CREM: variants seen among roughly 807,000 people sequenced by gnomAD.
The protein encoded by CREM is cAMP-responsive element modulator.
CREM carries 13 observed loss-of-function variants against 37.3 expected under a neutral mutation model. That is an observed-to-expected ratio of 0.35 (90% CI 0.23 to 0.55). The LOEUF (loss-of-function observed/expected upper bound fraction) is 0.55. Ranked by LOEUF, CREM falls within the 20% of genes least tolerant of loss-of-function variation. CREM has a pLI of 0.88. For synonymous variants in CREM, 124 were observed against 120.2 expected (o/e 1.03, Z -0.21); for missense variants, 296 against 362.3 (o/e 0.82, Z 1.49).
chr10:35,166,118 C>T (rs921781280), intron 3 of CREM, among the ~76,000 whole-genome samples: 1 of 152,168 alleles, frequency 6.6e-6, no homozygotes, highest in Non-Finnish European at 1.5e-5. Flanking sequence ...AACAACATCT[C>T]TTTAGAAGAT....
chr10:35,147,299 C>T (rs543750953), intron 2 of CREM, among the ~76,000 whole-genome samples: 40 of 151,972 alleles, frequency 2.6e-4, no homozygotes, highest in Middle Eastern at 3.4e-3. Flanking sequence ...GTGATCCGCC[C>T]GCCTCAGCCT....
intron 3 of CREM, among the ~76,000 whole-genome samples, chr10:35,163,159 G>A (rs560680356): frequency 9.9e-4 from 151 of 152,108 alleles, no homozygotes; most frequent in African/African-American, 3.5e-3. Context: ...GCAGTGATTC[G>A]TGATCATGCC....
At chr10:35,140,538 G>A (rs2091276028) in intron 2 of CREM, among the ~76,000 whole-genome samples, 1 of 152,100 alleles carries the variant, frequency 6.6e-6, no homozygotes, top group South Asian at 2.1e-4. Flanking sequence ...GGTTTATTTA[G>A]CATATACTGT....
chr10:35,207,412 T>C (rs1021894429), intron 7 of CREM, among the ~76,000 whole-genome samples: 1 of 150,928 alleles, frequency 6.6e-6, no homozygotes, highest in Non-Finnish European at 1.5e-5. Flanking sequence ...AATAAAACAA[T>C]ATTAAATATT....
intron 2 of CREM, among the ~76,000 whole-genome samples, chr10:35,138,373 G>A (rs2090912340): frequency 6.6e-6 from 1 of 152,110 alleles, no homozygotes; most frequent in Non-Finnish European, 1.5e-5. Context: ...TCCACTTTTT[G>A]TAAAGTTATT....
At chr10:35,170,502 A>G (rs910348943) in intron 3 of CREM, among the ~76,000 whole-genome samples, 3 of 152,204 alleles carry the variant, frequency 2.0e-5, no homozygotes, top group Non-Finnish European at 2.9e-5. Context: ...TACTTCTGGT[A>G]GAATTCGGCT....
intron 3 of CREM, chr10:35,153,927 A>C (rs1178554531): frequency 5.1e-6 from 2 of 391,680 alleles, no homozygotes; most frequent in African/African-American, 2.1e-5. Context: ...GCCGCTAGGG[A>C]ATGTTGTTCA....
intron 1 of CREM, among the ~76,000 whole-genome samples, chr10:35,128,337 G>A (rs989364248): frequency 6.6e-6 from 1 of 152,136 alleles, no homozygotes; most frequent in Non-Finnish European, 1.5e-5. Flanking sequence ...GCTTACGTAC[G>A]TGACTCAGTT....
intron 1 of CREM, among the ~76,000 whole-genome samples, chr10:35,130,943 T>C (rs1440744691): frequency 6.6e-6 from 1 of 152,180 alleles, no homozygotes; most frequent in Non-Finnish European, 1.5e-5. Flanking sequence ...ATGACAGGCC[T>C]TCCTAGGAGT....
chr10:35,171,341 T>G (rs2093811927), intron 3 of CREM: 1 of 151,776 alleles, frequency 6.6e-6, no homozygotes, highest in Non-Finnish European at 1.5e-5. Flanking sequence ...CCGGCTAATT[T>G]TTGTATTTTT....
intron 3 of CREM, among the ~76,000 whole-genome samples, chr10:35,170,066 C>T (rs1161229353): frequency 6.6e-6 from 1 of 151,698 alleles, no homozygotes; most frequent in African/African-American, 2.4e-5. Flanking sequence ...GGGTTCACGC[C>T]ATTCTCCTGC....
chr10:35,152,050 C>T (rs918305042), intron 3 of CREM, among the ~76,000 whole-genome samples: 13 of 152,180 alleles, frequency 8.5e-5, no homozygotes, highest in South Asian at 2.1e-4. Flanking sequence ...TTACTTGCCA[C>T]TTGTCTCATT....
At chr10:35,175,955 C>A in intron 3 of CREM, 2 of 1,551,358 alleles carry the variant, frequency 1.3e-6, no homozygotes, top group Non-Finnish European at 8.7e-7. Context: ...AATTCAGACA[C>A]CACAGCCATG....
intron 2 of CREM, among the ~76,000 whole-genome samples, chr10:35,145,776 C>CAAAAAAAAAAAAAA (rs370248344): frequency 1.2e-5 from 1 of 85,236 alleles, no homozygotes; most frequent in Non-Finnish European, 2.0e-5. Flanking sequence ...GACTCTGCCT[C>CAAAAAAAAAAAAAA]AAAAAAAAAA....
At chr10:35,178,795 C>T (rs977404546) in intron 3 of CREM, 94 bp from the exon 4 acceptor site, 2 of 878,292 alleles carry the variant, frequency 2.3e-6, no homozygotes, top group Non-Finnish European at 3.5e-6. Flanking sequence ...GCTCCTGGCT[C>T]AGTGCTGCAC....
chr10:35,206,769 T>C (rs536368756), intron 6 of CREM, 126 bp from the exon 7 acceptor site: 28 of 880,736 alleles, frequency 3.2e-5, no homozygotes, highest in Non-Finnish European at 3.7e-6. Flanking sequence ...TCAGAATAAT[T>C]ATCTTAAACA....
intron 3 of CREM, among the ~76,000 whole-genome samples, chr10:35,172,291 C>T (rs1216854984): frequency 6.6e-6 from 1 of 152,148 alleles, no homozygotes; most frequent in African/African-American, 2.4e-5. Flanking sequence ...AGCTGAAAGC[C>T]AGGGTGTAGG....
chr10:35,168,937 G>A (rs1030949443), intron 3 of CREM, among the ~76,000 whole-genome samples: 1 of 152,162 alleles, frequency 6.6e-6, no homozygotes, highest in African/African-American at 2.4e-5. Flanking sequence ...TGAGGGCTCT[G>A]TTCTGTTCCA....
chr10:35,179,042 T>A, intron 4 of CREM, 56 bp downstream of exon 4: 1 of 1,544,896 alleles, frequency 6.5e-7, no homozygotes, highest in Non-Finnish European at 8.8e-7. Flanking sequence ...GGTAGAATAA[T>A]TATACATCAA....
Sources: gnomAD v4.1 joint callset for allele counts (sites outside exome capture counted in the v4.1 genomes callset) on GRCh38, gnomAD v4.1.1 for gene constraint, MANE v1.5 for transcripts, NCBI Gene and HGNC (gene_info 2026-07-23, HGNC 2026-07-21) for gene names.